Variants in HTR2A observed in about 807,000 individuals in gnomAD.
HTR2A encodes 5-hydroxytryptamine receptor 2A.
A neutral mutation model predicts 31.0 loss-of-function variants in HTR2A; 14 were observed. That is an observed-to-expected ratio of 0.45 (90% CI 0.30 to 0.71). The LOEUF (loss-of-function observed/expected upper bound fraction) is 0.71, where lower values mean the gene tolerates loss of function less well. HTR2A is among the 30% of genes least tolerant of loss of function. The pLI is 0.09. For synonymous variants in HTR2A, 209 were observed against 225.2 expected, an observed-to-expected ratio of 0.93 and a Z score of 0.64; for missense variants, 442 against 573.3, an observed-to-expected ratio of 0.77 and a Z score of 2.34.
At chr13:46,869,232 C>G (rs573077166) in intron 3 of HTR2A, among the ~76,000 whole-genome samples, 5 of 152,168 alleles carry the variant, frequency 3.3e-5, no homozygotes, top group African/African-American at 1.2e-4. Context: ...TTCTAAAACT[C>G]AACAAACAGA....
intron 3 of HTR2A, among the ~76,000 whole-genome samples, chr13:46,862,987 T>C (rs933895877): frequency 6.6e-6 from 1 of 152,038 alleles, no homozygotes; most frequent in Non-Finnish European, 1.5e-5. Context: ...GCTGATATTC[T>C]TTCTGGTATA....
intron 3 of HTR2A, chr13:46,856,271 T>C (rs1033333776): frequency 6.6e-6 from 1 of 152,194 alleles, no homozygotes; most frequent in Non-Finnish European, 1.5e-5. Context: ...TAGAAAAGAT[T>C]TGAAATAAAT....
In HTR2A at chr13:46,834,882, A is replaced by G; in HGVS notation, c.1371T>C (p.Ser457=). The change falls in exon 4 of 4, where the codon TCT becomes TCC. Residue 457 remains serine, a synonymous_variant. Coordinates refer to ENST00000542664, the MANE Select transcript of HTR2A (RefSeq NM_000621.5). The part of the protein sequence containing the change: ...ALGKQHSEEA[S]KDNSDGVNEK... ...CATTCACTCCGTCGCTATTGTCTTT[A>G]GAAGCCTCTTCAGAATGCTGCTTTC... 6.2e-7 allele frequency: 1 copy of G among 1,613,880 alleles called. No individual in the cohort carries two copies. Among genetic ancestry groups the G allele is most frequent in the Non-Finnish European group, 8.5e-7 (1 of 1,179,918 alleles).
At chr13:46,889,760 A>G (rs1291394199) in intron 3 of HTR2A, among the ~76,000 whole-genome samples, 1 of 152,230 alleles carries the variant, frequency 6.6e-6, no homozygotes, top group Non-Finnish European at 1.5e-5. Flanking sequence ...CAAACAAAAA[A>G]CTAAACCCAA....
rs1245491432 is a variant in HTR2A, at chr13:46,834,047, G to A, written c.*790C>T. 1 of 152,362 alleles carries A rather than the reference G, an allele frequency of 6.6e-6. No individual in the cohort carries two copies. Among genetic ancestry groups the A allele is most frequent in the Non-Finnish European group, 1.5e-5 (1 of 68,044 alleles). 9.4% of individuals were successfully genotyped at this position (152,362 alleles called of 1,614,324 possible). A position where few individuals can be genotyped will look rare whatever the true frequency, so the allele number is the denominator to read the frequency against. ...GTTTTAGAGAAGCAATTGCTAGAAA[G>A]GCATTTGGTAATGTTAAATCATCCT... On this transcript the variant is annotated 3_prime_UTR_variant, in exon 4 of 4. Transcript: ENST00000542664.
chr13:46,837,780 G>T (rs555707545), intron 3 of HTR2A, among the ~76,000 whole-genome samples: 16 of 152,344 alleles, frequency 1.1e-4, no homozygotes, highest in African/African-American at 3.6e-4. Flanking sequence ...AGGAAAGAAC[G>T]CTGAGTTGAT....
chr13:46,892,502 G>A lies in HTR2A; in HGVS notation c.501C>T (p.Cys167=), dbSNP rs776463683. 17 of 1,614,104 alleles carry A rather than the reference G, an allele frequency of 1.1e-5. No individual in the cohort carries two copies. The highest frequency in any genetic ancestry group is 4.4e-5 in the South Asian group (4 of 91,088). ...LFSTASIMHL[C]AISLDRYVAI... is the part of the protein sequence containing the mutation. Reference sequence around the variant, plus strand: ...CGACGTAGCGGTCCAGCGAGATGGCGCAGAGGTGCATGATGGAGGCCGTGG... The same window carrying A: ...CGACGTAGCGGTCCAGCGAGATGGCACAGAGGTGCATGATGGAGGCCGTGG... Residue 167 remains cysteine, a synonymous_variant, in exon 3 of 4, where the codon TGC becomes TGT. Coordinates refer to ENST00000542664, the MANE Select transcript of HTR2A (RefSeq NM_000621.5).
At chr13:46,888,579 A>T (rs962568195) in intron 3 of HTR2A, among the ~76,000 whole-genome samples, 2 of 152,240 alleles carry the variant, frequency 1.3e-5, no homozygotes, top group Non-Finnish European at 2.9e-5. Context: ...AACAAACGAC[A>T]TGATATTCTA....
At chr13:46,870,728 A>G (rs1950857795) in intron 3 of HTR2A, among the ~76,000 whole-genome samples, 1 of 152,136 alleles carries the variant, frequency 6.6e-6, no homozygotes, top group Admixed American at 6.5e-5. Context: ...TACTATGCAG[A>G]TTTGTTATGT....
chr13:46,864,419 G>C (rs1950804390), intron 3 of HTR2A, among the ~76,000 whole-genome samples: 1 of 152,146 alleles, frequency 6.6e-6, no homozygotes, highest in South Asian at 2.1e-4. Context: ...TAAAATCCTT[G>C]TAATTATAAA....
At chr13:46,877,027 G>C (rs1950919188) in intron 3 of HTR2A, among the ~76,000 whole-genome samples, 1 of 152,180 alleles carries the variant, frequency 6.6e-6, no homozygotes, top group African/African-American at 2.4e-5. Flanking sequence ...ATCTCTGGAT[G>C]AAGGGGAAAA....
At position 46,834,627 on chromosome 13, in the gene HTR2A, CA is replaced by C; in HGVS notation, c.*209del. 1.9e-6 allele frequency: 1 copy of C among 523,882 alleles called. No homozygotes were observed. Among genetic ancestry groups the C allele is most frequent in the Admixed American group, 3.5e-5 (1 of 28,796 alleles). The allele number at this position is 523,882 out of a possible 1,614,324, so 32.5% of individuals were successfully genotyped here. On this transcript the variant is annotated 3_prime_UTR_variant, in exon 4 of 4. Transcript: ENST00000542664. ...TGTTATAAATAAGTATCAGAAAGCT[CA>C]CAGCTGAAATGCTGTCAGAACATTT...
intron 3 of HTR2A, among the ~76,000 whole-genome samples, chr13:46,891,662 A>G (rs572263417): frequency 1.6e-4 from 24 of 152,306 alleles, no homozygotes; most frequent in African/African-American, 5.5e-4. Flanking sequence ...TGAATGTCAG[A>G]GAATCTTTGG....
rs961161919 is a variant in HTR2A, at chr13:46,831,688, T to C, written c.*3149A>G. On this transcript the variant is annotated 3_prime_UTR_variant, in exon 4 of 4. Coordinates refer to ENST00000542664, the MANE Select transcript of HTR2A (RefSeq NM_000621.5). ...AGAATAATTTAGCACTTTATAAATATGTCTCATTGATGCACAAATGGGAGG... is the reference window on the plus strand; with the variant it reads ...AGAATAATTTAGCACTTTATAAATACGTCTCATTGATGCACAAATGGGAGG... 6.6e-6 allele frequency: 1 copy of C among 152,266 alleles called. No homozygotes were observed. Among genetic ancestry groups the C allele is most frequent in the African/African-American group, 2.4e-5 (1 of 41,472 alleles). The allele number at this position is 152,266 out of a possible 1,614,324, so 9.4% of individuals were successfully genotyped here. A position where few individuals can be genotyped will look rare whatever the true frequency, so the allele number is the denominator to read the frequency against.
chr13:46,855,837 G>A lies in HTR2A; in HGVS notation c.614-20198C>T, dbSNP rs143880859. Among the ~76,000 whole-genome samples the A allele has an allele frequency of 2.8e-3, 422 of 152,320 alleles. 1 individual carries two copies. The highest frequency in any genetic ancestry group is 3.7e-3 in the Non-Finnish European group (252 of 68,028). ...AAAGTTATGTTTAATGTGGTGTATT[G>A]TGTATAACATATGATGTGGGTGGGG... On this transcript the variant is annotated intron_variant, in intron 3 of 3. Coordinates refer to ENST00000542664, the MANE Select transcript of HTR2A (RefSeq NM_000621.5).
intron 3 of HTR2A, among the ~76,000 whole-genome samples, chr13:46,840,797 T>G (rs1248898324): frequency 6.6e-6 from 1 of 152,214 alleles, no homozygotes; most frequent in Non-Finnish European, 1.5e-5. Flanking sequence ...ATATGTATAT[T>G]TCCTTGGAGA....
intron 2 of HTR2A, 46 bp from the exon 3 acceptor site, chr13:46,892,636 G>A (rs1951063122): frequency 6.6e-7 from 1 of 1,513,410 alleles, no homozygotes; most frequent in African/African-American, 1.4e-5. Context: ...TGTGCCTCCT[G>A]GAGCACATGT....
At chr13:46,846,051 A>C (rs1196718860) in intron 3 of HTR2A, among the ~76,000 whole-genome samples, 1 of 152,202 alleles carries the variant, frequency 6.6e-6, no homozygotes, top group African/African-American at 2.4e-5. Context: ...GCTGTCCCAC[A>C]CAGCCTAGGT....
At chr13:46,847,270 A>G (rs1566302443) in intron 3 of HTR2A, among the ~76,000 whole-genome samples, 1 of 152,060 alleles carries the variant, frequency 6.6e-6, no homozygotes, top group Non-Finnish European at 1.5e-5. Context: ...CCCTTTTTCA[A>G]TTTCCCACTT....
Sources: allele counts gnomAD v4.1 joint callset (sites outside exome capture counted in the v4.1 genomes callset), GRCh38; gene constraint gnomAD v4.1.1; transcripts MANE v1.5; gene names NCBI Gene and HGNC (gene_info 2026-07-23, HGNC 2026-07-21).